Variants in SETBP1 observed in about 807,000 individuals in gnomAD.
SETBP1 encodes SET-binding protein.
SETBP1 carries 9 observed loss-of-function variants against 101.0 expected under a neutral mutation model. The ratio of observed to expected loss-of-function variants is 0.09; its 90% CI spans 0.05 to 0.16. The LOEUF (loss-of-function observed/expected upper bound fraction) is 0.16. Among genes scored for constraint, SETBP1 ranks in the 10% least tolerant of loss-of-function variants. The pLI, the probability that SETBP1 is intolerant of heterozygous loss-of-function variation, is 1.00. For synonymous variants in SETBP1, 818 were observed against 788.5 expected (o/e 1.04, Z -0.63); for missense variants, 1,858 against 2,033.8 (o/e 0.91, Z 1.66).
At chr18:45,039,628 A>G (rs755032345) in intron 5 of SETBP1, among the ~76,000 whole-genome samples, 80 of 152,250 alleles carry the variant, frequency 5.3e-4, no homozygotes, top group Non-Finnish European at 1.2e-4. Flanking sequence ...TGACAATGTT[A>G]CATACATATT....
At chr18:44,713,411 C>T (rs949438338) in intron 2 of SETBP1, among the ~76,000 whole-genome samples, 1 of 152,186 alleles carries the variant, frequency 6.6e-6, no homozygotes, top group African/African-American at 2.4e-5. Context: ...CTAGGCATCC[C>T]TTTTATAGCC....
intron 2 of SETBP1, among the ~76,000 whole-genome samples, chr18:44,798,049 C>G (rs2071520585): frequency 6.6e-6 from 1 of 152,098 alleles, no homozygotes; most frequent in South Asian, 2.1e-4. Context: ...CATTTGTGGA[C>G]CCAAACGCTA....
chr18:45,064,334 C>T lies in SETBP1; in HGVS notation c.*636C>T, dbSNP rs1000687878. On this transcript the variant is annotated 3_prime_UTR_variant, in exon 6 of 6. Transcript: ENST00000649279. ...AGACCCGCATTCATGTTCTGTGTGC[C>T]TCTTCTATTGCACATACACTGATTT... 3.3e-5 allele frequency: 5 copies of T among 152,158 alleles called. No homozygotes were observed. Among genetic ancestry groups the T allele is most frequent in the African/African-American group, 9.7e-5 (4 of 41,396 alleles). The allele number at this position is 152,158 out of a possible 1,614,324, so 9.4% of individuals were successfully genotyped here.
At chr18:44,777,199 C>T (rs1387073015) in intron 2 of SETBP1, among the ~76,000 whole-genome samples, 1 of 152,152 alleles carries the variant, frequency 6.6e-6, no homozygotes, top group Non-Finnish European at 1.5e-5. Context: ...CACCTGTGGT[C>T]CCAGCTACTC....
chr18:44,998,891 G>A (rs998331060), intron 4 of SETBP1, among the ~76,000 whole-genome samples: 14 of 152,188 alleles, frequency 9.2e-5, no homozygotes, highest in African/African-American at 2.7e-4. Flanking sequence ...AGGTTTGATG[G>A]CTTGATGAGC....
At chr18:44,907,715 T>G (rs145182776) in intron 3 of SETBP1, among the ~76,000 whole-genome samples, 53 of 152,338 alleles carry the variant, frequency 3.5e-4, no homozygotes, top group African/African-American at 1.3e-3. Context: ...TTTTTATTGT[T>G]GTATAGGGCT....
At chr18:45,013,042 G>A (rs1006763079) in intron 4 of SETBP1, among the ~76,000 whole-genome samples, 9 of 152,228 alleles carry the variant, frequency 5.9e-5, no homozygotes, top group African/African-American at 2.2e-4. Context: ...CAGGAGTAGA[G>A]TCAGTACTTA....
intron 2 of SETBP1, among the ~76,000 whole-genome samples, chr18:44,861,352 C>T (rs771244787): frequency 7.9e-4 from 119 of 149,852 alleles, no homozygotes; most frequent in Non-Finnish European, 1.5e-3. Flanking sequence ...CGTTCTCCTG[C>T]CTCAGCCTCC....
intron 2 of SETBP1, among the ~76,000 whole-genome samples, chr18:44,764,889 G>T (rs543289671): frequency 1.3e-5 from 2 of 152,310 alleles, no homozygotes; most frequent in South Asian, 4.1e-4. Flanking sequence ...CTTTTTGAGG[G>T]CAGGGACTTT....
chr18:44,901,548 T>C (rs1435660861), intron 3 of SETBP1, among the ~76,000 whole-genome samples: 1 of 152,074 alleles, frequency 6.6e-6, no homozygotes, highest in Non-Finnish European at 1.5e-5. Flanking sequence ...AAGCTTTGGG[T>C]ATGATGGGAG....
intron 4 of SETBP1, among the ~76,000 whole-genome samples, chr18:44,997,786 A>T (rs2072530049): frequency 1.3e-5 from 2 of 152,192 alleles, no homozygotes; most frequent in South Asian, 4.1e-4. Context: ...ATCAGCACTA[A>T]TTAGGAAGAA....
chr18:44,958,061 T>A (rs981184258), intron 4 of SETBP1, among the ~76,000 whole-genome samples: 5 of 152,212 alleles, frequency 3.3e-5, no homozygotes, highest in Admixed American at 6.5e-5. Flanking sequence ...CTTCTGTTTT[T>A]TGACTTTCAG....
At chr18:44,802,142 G>A (rs567864748) in intron 2 of SETBP1, among the ~76,000 whole-genome samples, 40 of 152,278 alleles carry the variant, frequency 2.6e-4, no homozygotes, top group African/African-American at 9.6e-4. Flanking sequence ...GATCAGAGCT[G>A]GTGCTTCCAT....
rs1343794807 is a variant in SETBP1, at chr18:44,953,038, C to T, written c.3698C>T (p.Thr1233Ile). Residue 1233 changes from threonine to isoleucine, a missense_variant, in exon 4 of 6, where the codon ACA (threonine) becomes ATA (isoleucine). This residue lies in a region of SETBP1 where 417 missense variants were observed against 389.1 expected (regional missense o/e 1.07). Transcript: ENST00000649279. ...KNNFEVDTLS[T>I]LSLSDAQHWT... ...AACTTTGAGGTGGACACCCTGTCTACACTGTCACTTTCCGACGCCCAGCAT... is the reference window on the plus strand; with the variant it reads ...AACTTTGAGGTGGACACCCTGTCTATACTGTCACTTTCCGACGCCCAGCAT... The T allele has an allele frequency of 1.2e-6, 2 of 1,614,086 alleles. No individual in the cohort carries two copies. The highest frequency in any genetic ancestry group is 2.2e-5 in the South Asian group (2 of 91,078).
chr18:45,005,945 CTTTTT>C (rs1032603185), intron 4 of SETBP1, among the ~76,000 whole-genome samples: 7 of 103,170 alleles, frequency 6.8e-5, no homozygotes, highest in African/African-American at 2.8e-4. Context: ...TGCACCCGGC[CTTTTT>C]TTTTTTTTTT....
chr18:44,856,551 T>A (rs1397179831), intron 2 of SETBP1, among the ~76,000 whole-genome samples: 1 of 152,252 alleles, frequency 6.6e-6, no homozygotes, highest in Non-Finnish European at 1.5e-5. Context: ...CATATCTTAC[T>A]ACTTTTGTTA....
At chr18:44,953,400 C>G (rs760950833) in intron 4 of SETBP1, 60 bp downstream of exon 4, 9 of 1,438,150 alleles carry the variant, frequency 6.3e-6, no homozygotes, top group South Asian at 2.4e-5. Flanking sequence ...GGCTTTGCAC[C>G]TCAGACACAT....
chr18:44,826,113 G>A (rs12604608), intron 2 of SETBP1, among the ~76,000 whole-genome samples: 15,538 of 152,192 alleles, frequency 0.1, 959 homozygotes, highest in African/African-American at 0.16. Context: ...TCTCAAGGAA[G>A]GTCAACAGAG....
At chr18:44,891,885 G>T (rs536273631) in intron 3 of SETBP1, among the ~76,000 whole-genome samples, 17 of 152,072 alleles carry the variant, frequency 1.1e-4, no homozygotes, top group Non-Finnish European at 2.5e-4. Flanking sequence ...AACTGTAAAA[G>T]ACATTATTTT....
Sources: gnomAD v4.1 joint callset for allele counts (sites outside exome capture counted in the v4.1 genomes callset) on GRCh38, gnomAD v4.1.1 for gene constraint, gnomAD v4.1.1 regional missense constraint, MANE v1.5 for transcripts, NCBI Gene and HGNC (gene_info 2026-07-23, HGNC 2026-07-21) for gene names.